The following LONRF3 variants were observed in gnomAD, a reference collection of about 807,000 sequenced individuals.
LONRF3 encodes LON peptidase N-terminal domain and RING finger protein 3.
Under a neutral mutation model 51.7 loss-of-function variants are expected in LONRF3, and 19 were observed. That is an observed-to-expected ratio of 0.37 (90% CI 0.26 to 0.54). LONRF3 has a LOEUF of 0.54. LONRF3 is among the 20% of genes least tolerant of loss of function. The probability of loss-of-function intolerance (pLI) is 0.86; values close to 1 mark genes in which losing one functional copy is unlikely to be tolerated. For missense variants in LONRF3, 521 were observed against 623.9 expected (o/e 0.84, Z 1.76); for synonymous variants, 265 against 257.8 (o/e 1.03, Z -0.27).
rs1032920191 is a variant in LONRF3, at chrX:118,983,036, C to T, written c.1059+93C>T. On this transcript the variant is annotated intron_variant, in intron 3 of 10. Coordinates refer to ENST00000371628, the MANE Select transcript of LONRF3 (RefSeq NM_001031855.3). ...GGAGTGAGGGTGCTGTCCTCCTTGG[C>T]ATTTGGGGTCCTGAGTGGGTGGTTC... 1.6e-5 allele frequency: 16 copies of T among 1,007,133 alleles called. No homozygotes were observed. In the South Asian group the frequency reaches 3.6e-4, roughly 23 times the overall value. The allele number at this position is 1,007,133 out of a possible 1,213,427, so 83.0% of individuals were successfully genotyped here. A position where few individuals can be genotyped will look rare whatever the true frequency, so the allele number is the denominator to read the frequency against.
intron 1 of LONRF3, 127 bp from the exon 2 acceptor site, chrX:118,978,218 C>A: frequency 2.0e-6 from 1 of 488,185 alleles, no homozygotes; most frequent in South Asian, 3.2e-5. Context: ...AGAGCCTAAC[C>A]CTTTTGATCT....
chrX:118,975,560 G>C lies in LONRF3; in HGVS notation c.780G>C (p.Glu260Asp). The C allele has an allele frequency of 7.5e-6, 9 of 1,195,100 alleles. No homozygotes were observed. Among genetic ancestry groups the C allele is most frequent in the Non-Finnish European group, 1.0e-5 (9 of 889,068 alleles). Residue 260 changes from glutamate to aspartate, a missense_variant, in exon 1 of 11, where the codon GAG (glutamate) becomes GAC (aspartate). Physicochemically the swap from Glu to Asp is conservative, Grantham distance 45 (BLOSUM62 2). This residue lies in a region of LONRF3 where 376 missense variants were observed against 376.7 expected (regional missense o/e 1.00). Transcript: ENST00000371628. The part of the protein sequence containing the change: ...GNRLYRERQV[E>D]AALLKYNEAV... ...GACTGTACCGCGAGCGCCAGGTGGA[G>C]GCGGCACTGCTCAAGTACAACGAGG...
At chrX:118,975,722 CTG>C (rs1282835986) in intron 1 of LONRF3, 125 bp downstream of exon 1, 1 of 111,665 alleles carries the variant, frequency 9.0e-6, no homozygotes, top group African/African-American at 5.8e-5. Context: ...GACCCATGGA[CTG>C]TGGCGGGGTG....
intron 10 of LONRF3, among the ~76,000 whole-genome samples, chrX:119,015,174 C>A (rs1925356961): frequency 8.9e-6 from 1 of 111,796 alleles, no homozygotes; most frequent in Admixed American, 9.5e-5. Flanking sequence ...TCACGACCAT[C>A]TCTTCCTATG....
chrX:118,983,147 G>A (rs759825130), intron 3 of LONRF3, among the ~76,000 whole-genome samples: 9 of 111,572 alleles, frequency 8.1e-5, no homozygotes, highest in Non-Finnish European at 1.7e-4. Context: ...ATCAGTTTGG[G>A]CAGTTTCTAC....
chrX:118,994,468 A>G lies in LONRF3; in HGVS notation c.1415+3908A>G, dbSNP rs190253034. On this transcript the variant is annotated intron_variant, in intron 5 of 10. Coordinates refer to ENST00000371628, the MANE Select transcript of LONRF3 (RefSeq NM_001031855.3). ...ACCCAGGCTGGAGCGCAATGGTGTGATCTCAGCTCACTGCAACATTCGCCA... is the reference window on the plus strand; with the variant it reads ...ACCCAGGCTGGAGCGCAATGGTGTGGTCTCAGCTCACTGCAACATTCGCCA... Among the ~76,000 whole-genome samples, 194 of 109,774 alleles carry G rather than the reference A, an allele frequency of 1.8e-3. 1 individual carries two copies. The highest frequency in any genetic ancestry group is 5.8e-3 in the African/African-American group (175 of 29,970).
intron 5 of LONRF3, among the ~76,000 whole-genome samples, chrX:119,003,951 T>G (rs970987088): frequency 9.0e-6 from 1 of 111,520 alleles, no homozygotes; most frequent in African/African-American, 3.3e-5. Context: ...TGTCTATTGC[T>G]GGTATATAGA....
At chrX:118,991,966 G>A (rs186005604) in intron 5 of LONRF3, among the ~76,000 whole-genome samples, 99 of 111,994 alleles carry the variant, frequency 8.8e-4, no homozygotes, top group African/African-American at 3.1e-3. Context: ...TTAATGTCTC[G>A]AAGTTGTATG....
chrX:118,986,844 C>G, intron 3 of LONRF3: 3 of 919,782 alleles, frequency 3.3e-6, no homozygotes, highest in South Asian at 2.4e-5. Flanking sequence ...CAAGCTGGCT[C>G]CCTCCCCCCT....
intron 3 of LONRF3, among the ~76,000 whole-genome samples, chrX:118,987,419 A>C (rs5957087): frequency 1.1e-5 from 1 of 94,737 alleles, no homozygotes; most frequent in Non-Finnish European, 2.1e-5. Flanking sequence ...CTGGGACTAT[A>C]GGCACGTGCC....
chrX:118,998,816 T>C (rs1924059986), intron 5 of LONRF3, among the ~76,000 whole-genome samples: 1 of 111,702 alleles, frequency 9.0e-6, no homozygotes, highest in African/African-American at 3.3e-5. Flanking sequence ...TTCAGCCTCC[T>C]GCCTGGCAAA....
intron 2 of LONRF3, among the ~76,000 whole-genome samples, chrX:118,980,117 T>C (rs190164858): frequency 8.8e-4 from 99 of 112,378 alleles, no homozygotes; most frequent in Non-Finnish European, 1.6e-3. Flanking sequence ...CTGCAAGCTA[T>C]AAAGCTTCCT....
intron 5 of LONRF3, among the ~76,000 whole-genome samples, chrX:119,002,037 C>T (rs763388691): frequency 8.9e-6 from 1 of 112,652 alleles, no homozygotes; most frequent in Admixed American, 9.4e-5. Flanking sequence ...TTTGGCTGCT[C>T]TGATAATTAG....
At chrX:118,982,057 C>G (rs190073690) in intron 2 of LONRF3, among the ~76,000 whole-genome samples, 61 of 112,105 alleles carry the variant, frequency 5.4e-4, no homozygotes, top group African/African-American at 1.4e-3. Context: ...TCCTTCTTCC[C>G]CAGGATGTTC....
chrX:118,986,060 ACACAC>A (rs1569475930), intron 3 of LONRF3, among the ~76,000 whole-genome samples: 25 of 14,328 alleles, frequency 1.7e-3, no homozygotes, highest in African/African-American at 5.7e-3. Context: ...AAACACACAC[ACACAC>A]ACACACACAC....
At chrX:118,982,258 C>G (rs1424474950) in intron 2 of LONRF3, among the ~76,000 whole-genome samples, 3 of 111,833 alleles carry the variant, frequency 2.7e-5, no homozygotes, top group Admixed American at 9.4e-5. Flanking sequence ...TTCTGGGAGT[C>G]CTGAGACTGC....
At chrX:119,000,578 C>G (rs146810978) in intron 5 of LONRF3, among the ~76,000 whole-genome samples, 1 of 111,976 alleles carries the variant, frequency 8.9e-6, no homozygotes, top group African/African-American at 3.2e-5. Context: ...TTGGGGGCCA[C>G]CTCTGGGGCT....
Position 118,974,920 on chromosome X carries a change from C to T in LONRF3, c.140C>T (p.Ala47Val). The change falls in exon 1 of 11, where the codon GCA becomes GTA. Residue 47 changes from alanine to valine, a missense_variant. Ala to Val is a moderately conservative substitution (Grantham distance 64, BLOSUM62 0). Transcript: ENST00000371628. ...CCAAAGGTGGCTGCAGAGGGCCCCG[C>T]ACCTCTACCGACGCGGGAGCCAGAG... ...PHPKVAAEGP[A>V]PLPTREPEQE... 1 of 1,188,216 alleles carries T rather than the reference C, an allele frequency of 8.4e-7. No individual in the cohort carries two copies. The highest frequency in any genetic ancestry group is 1.1e-6 in the Non-Finnish European group (1 of 883,598).
Position 118,975,098 on chromosome X carries a change from G to T in LONRF3, c.318G>T (p.Gln106His). ...RQQLVAEQLE[Q>H]LVRCLAEKVP... ...AGCTGGTGGCTGAGCAGCTGGAGCA[G>T]CTGGTGCGCTGCCTGGCGGAGAAAG... Residue 106 changes from glutamine to histidine, a missense_variant, in exon 1 of 11, where the codon CAG becomes CAT. Around this residue, in one of 2 missense-constraint regions of LONRF3, gnomAD observed 376 missense variants for 376.7 expected, o/e 1.00. Coordinates refer to ENST00000371628, the MANE Select transcript of LONRF3 (RefSeq NM_001031855.3). The T allele has an allele frequency of 1.7e-6, 2 of 1,171,671 alleles. No homozygotes were observed. Among genetic ancestry groups the T allele is most frequent in the Non-Finnish European group, 2.3e-6 (2 of 875,812 alleles).
Sources: allele counts gnomAD v4.1 joint callset (sites outside exome capture counted in the v4.1 genomes callset), GRCh38; gene constraint gnomAD v4.1.1; regional missense constraint gnomAD v4.1.1; transcripts MANE v1.5; gene names NCBI Gene and HGNC (gene_info 2026-07-23, HGNC 2026-07-21).